The following CDC6 variants were observed in gnomAD, a reference collection of about 807,000 sequenced individuals.
The protein encoded by CDC6 is DNA replication factor CDC6.
In CDC6, 46 loss-of-function variants were observed where a neutral mutation model predicts 60.2. The observed-to-expected ratio is 0.76, with a 90% confidence interval of 0.60 to 0.98. The LOEUF is 0.98. CDC6 is among the 50% of genes least tolerant of loss of function. The pLI is 0.00. For missense variants in CDC6, 596 were observed against 652.9 expected (o/e 0.91, Z 0.95); for synonymous variants, 210 against 233.2 (o/e 0.90, Z 0.90).
At chr17:40,300,272 CCTTT>C (rs1269320679) in intron 9 of CDC6, among the ~76,000 whole-genome samples, 1 of 151,908 alleles carries the variant, frequency 6.6e-6, no homozygotes, top group Non-Finnish European at 1.5e-5. Flanking sequence ...CCTTTTTTTT[CCTTT>C]CTTAATTACC....
At chr17:40,293,756 G>A (rs945090469) in intron 5 of CDC6, 125 bp downstream of exon 5, 3 of 928,006 alleles carry the variant, frequency 3.2e-6, no homozygotes, top group Non-Finnish European at 5.3e-6. Flanking sequence ...AAGAAGAGAA[G>A]GAAGATACAC....
chr17:40,296,568 C>A, intron 8 of CDC6, 135 bp from the exon 9 acceptor site: 1 of 666,252 alleles, frequency 1.5e-6, no homozygotes. Flanking sequence ...TAGGCTAAAC[C>A]ATGTTAGCCT....
intron 7 of CDC6, among the ~76,000 whole-genome samples, chr17:40,295,098 A>T (rs1171849439): frequency 6.6e-6 from 1 of 152,140 alleles, no homozygotes; most frequent in Non-Finnish European, 1.5e-5. Context: ...ATGACTAAAT[A>T]GATTTTTTAT....
At chr17:40,293,095 TG>T (rs2032793058) in intron 4 of CDC6, among the ~76,000 whole-genome samples, 1 of 151,592 alleles carries the variant, frequency 6.6e-6, no homozygotes, top group East Asian at 2.0e-4. Context: ...AAAAATTAGC[TG>T]GGTGTGGTGG....
chr17:40,293,760 G>T (rs2032810814), intron 5 of CDC6, 129 bp downstream of exon 5: 2 of 908,652 alleles, frequency 2.2e-6, no homozygotes, highest in South Asian at 2.7e-5. Context: ...AGAGAAGGAA[G>T]ATACACCTAA....
intron 9 of CDC6, among the ~76,000 whole-genome samples, chr17:40,297,082 G>T (rs4135021): frequency 1.3e-5 from 2 of 152,008 alleles, no homozygotes; most frequent in African/African-American, 4.8e-5. Context: ...CTTATGTTGC[G>T]TGCACTTTAG....
At position 40,301,620 on chromosome 17, in the gene CDC6, T is replaced by G; in HGVS notation, c.1593+12T>G. The G allele has an allele frequency of 1.2e-6, 2 of 1,613,610 alleles. No homozygotes were observed. Among genetic ancestry groups the G allele is most frequent in the African/African-American group, 2.7e-5 (2 of 75,040 alleles). The stretch of plus-strand genomic sequence containing the variant: ...CCCGTTTGACAAAGGTACAACTGCT[T>G]TTTTGTGACAGTGTTTTTAATTGTC... On this transcript the variant is annotated intron_variant, in intron 11 of 11. Coordinates refer to ENST00000209728, the MANE Select transcript of CDC6 (RefSeq NM_001254.4).
intron 1 of CDC6, 49 bp from the exon 2 acceptor site, chr17:40,289,354 TTTCTC>T (rs1332577286): frequency 3.0e-6 from 4 of 1,348,576 alleles, no homozygotes; most frequent in African/African-American, 1.4e-5. Flanking sequence ...TGTTAGTTAT[TTTCTC>T]TTCACTTTCA....
intron 5 of CDC6, 119 bp from the exon 6 acceptor site, chr17:40,293,831 G>A (rs1567734720): frequency 2.1e-6 from 2 of 965,074 alleles, no homozygotes; most frequent in Non-Finnish European, 3.4e-6. Context: ...CTAGAGATAG[G>A]TTAGATTATG....
intron 2 of CDC6, among the ~76,000 whole-genome samples, chr17:40,290,612 C>A (rs947966689): frequency 6.6e-6 from 1 of 152,176 alleles, no homozygotes; most frequent in African/African-American, 2.4e-5. Flanking sequence ...TGGACGCCTG[C>A]AATCGAGGAC....
At chr17:40,288,358 T>TA (rs1042257452) in intron 1 of CDC6, among the ~76,000 whole-genome samples, 1 of 151,638 alleles carries the variant, frequency 6.6e-6, no homozygotes, top group African/African-American at 2.4e-5. Flanking sequence ...GAACTGGTGA[T>TA]AAAGACACCC....
rs2143114899 is a variant in CDC6 at position 40,301,859 on chromosome 17, A to G, written c.1594-53A>G. 15 of 1,193,064 alleles carry G rather than the reference A, an allele frequency of 1.3e-5. No homozygotes were observed. The East Asian group carries it at 3.0e-4, about 24-fold the overall frequency. 73.9% of individuals were successfully genotyped at this position (1,193,064 alleles called of 1,614,324 possible). Reference sequence around the variant, plus strand: ...TATGGTAGAAGTTTGTATACTGACAACTTTGCTTTTGTGAGTTCCCCAGTG... The same window carrying G: ...TATGGTAGAAGTTTGTATACTGACAGCTTTGCTTTTGTGAGTTCCCCAGTG... On this transcript the variant is annotated intron_variant, in intron 11 of 11. Coordinates refer to ENST00000209728, the MANE Select transcript of CDC6 (RefSeq NM_001254.4).
chr17:40,289,094 C>A, intron 1 of CDC6: 1 of 326,576 alleles, frequency 3.1e-6, no homozygotes, highest in South Asian at 2.6e-5. Flanking sequence ...TTTTCTGTGA[C>A]TTTGGGCCAC....
intron 7 of CDC6, 28 bp downstream of exon 7, chr17:40,294,531 T>C: frequency 1.2e-6 from 2 of 1,609,958 alleles, no homozygotes; most frequent in Non-Finnish European, 1.7e-6. Flanking sequence ...TGCCAAATTA[T>C]GTGTTCCTTG....
intron 9 of CDC6, among the ~76,000 whole-genome samples, chr17:40,298,950 T>C (rs2032897458): frequency 6.6e-6 from 1 of 152,110 alleles, no homozygotes; most frequent in African/African-American, 2.4e-5. Context: ...ATTCTTTTAC[T>C]TGATCTGTGA....
rs67162965 is a variant in CDC6 at position 40,299,138 on chromosome 17, CTTTTTTTTTTTTTT to C, written c.1250-1675_1250-1662del. 3.7e-3 allele frequency among the ~76,000 whole-genome samples: 222 copies of C among 60,790 alleles called. 2 individuals carry two copies. Among genetic ancestry groups the C allele is most frequent in the African/African-American group, 0.016 (210 of 13,012 alleles). The allele number at this position is 60,790 out of a possible 152,430, so 39.9% of individuals were successfully genotyped here. ...CATCTCCAAACGATAAGGCCATAGT[CTTTTTTTTTTTTTT>C]TTTTTTTTTTTTTTGAGACAGGGTC... On this transcript the variant is annotated intron_variant, in intron 9 of 11. Transcript: ENST00000209728.
chr17:40,296,216 C>A (rs894222285), intron 8 of CDC6, among the ~76,000 whole-genome samples: 1 of 152,070 alleles, frequency 6.6e-6, no homozygotes, highest in Admixed American at 6.5e-5. Flanking sequence ...TGTAGGCTAG[C>A]GTGGTTTAGC....
intron 4 of CDC6, among the ~76,000 whole-genome samples, chr17:40,292,400 G>A (rs2032776992): frequency 6.6e-6 from 1 of 151,762 alleles, no homozygotes; most frequent in Non-Finnish European, 1.5e-5. Flanking sequence ...GGAGGCTGAG[G>A]TGGGTGGATC....
chr17:40,301,595 C>T lies in CDC6; in HGVS notation c.1580C>T (p.Thr527Ile). ...TTAGGATTAAAGAGAAACAAGGAAACCCGTTTGACAAAGGTACAACTGCTT... is the reference window on the plus strand; with the variant it reads ...TTAGGATTAAAGAGAAACAAGGAAATCCGTTTGACAAAGGTACAACTGCTT... Reference protein sequence around the residue: ...GILGLKRNKETRLTKVFFKIE... With the variant: ...GILGLKRNKEIRLTKVFFKIE... The change falls in exon 11 of 12, where the codon ACC becomes ATC. Residue 527 changes from threonine (T) to isoleucine (I), a missense_variant. Coordinates refer to ENST00000209728, the MANE Select transcript of CDC6 (RefSeq NM_001254.4). 1.9e-6 allele frequency: 3 copies of T among 1,614,072 alleles called. No individual in the cohort carries two copies. Among genetic ancestry groups the T allele is most frequent in the Non-Finnish European group, 2.5e-6 (3 of 1,179,984 alleles).
Sources: gnomAD v4.1 joint callset for allele counts (sites outside exome capture counted in the v4.1 genomes callset) on GRCh38, gnomAD v4.1.1 for gene constraint, MANE v1.5 for transcripts, NCBI Gene and HGNC (gene_info 2026-07-23, HGNC 2026-07-21) for gene names.